The following LHFPL3 variants were observed in gnomAD, a reference collection of about 807,000 sequenced individuals.
The protein encoded by LHFPL3 is LHFPL tetraspan subfamily member 3, also known as LHFPL tetraspan subfamily member 3 protein.
In LHFPL3, 5 loss-of-function variants were observed where a neutral mutation model predicts 19.3. That is an observed-to-expected ratio of 0.26 (90% CI 0.14 to 0.54). The LOEUF is 0.54. Among genes scored for constraint, LHFPL3 ranks in the 20% least tolerant of loss-of-function variants. The pLI is 0.94. For synonymous variants in LHFPL3, 133 were observed against 126.2 expected (o/e 1.05, Z -0.36); for missense variants, 249 against 307.4 (o/e 0.81, Z 1.42).
At chr7:104,586,649 T>G (rs143350363) in intron 1 of LHFPL3, among the ~76,000 whole-genome samples, 13 of 152,284 alleles carry the variant, frequency 8.5e-5, no homozygotes, top group African/African-American at 3.1e-4. Flanking sequence ...AGACGTCTAG[T>G]GGGTGAAAAC....
At chr7:104,356,563 G>A (rs1211662943) in intron 1 of LHFPL3, among the ~76,000 whole-genome samples, 1 of 152,054 alleles carries the variant, frequency 6.6e-6, no homozygotes, top group Non-Finnish European at 1.5e-5. Context: ...GTAGGTGGAG[G>A]TTGGAGAGCA....
At chr7:104,440,568 CAT>C (rs750922781) in intron 1 of LHFPL3, among the ~76,000 whole-genome samples, 5 of 151,426 alleles carry the variant, frequency 3.3e-5, no homozygotes, top group Admixed American at 6.6e-5. Context: ...TATAATAAAA[CAT>C]ATATATATAT....
At chr7:104,833,320 AT>A (rs1791022052) in intron 2 of LHFPL3, among the ~76,000 whole-genome samples, 1 of 12,756 alleles carries the variant, frequency 7.8e-5, no homozygotes, top group Non-Finnish European at 1.2e-4. Flanking sequence ...ATATATATAT[AT>A]TATATATATA....
chr7:104,903,076 G>A (rs971172694), intron 2 of LHFPL3, among the ~76,000 whole-genome samples: 2 of 152,122 alleles, frequency 1.3e-5, no homozygotes, highest in Admixed American at 1.3e-4. Context: ...CGCAGGTATG[G>A]GTGTCACTAC....
intron 1 of LHFPL3, among the ~76,000 whole-genome samples, chr7:104,657,312 C>T (rs1173348459): frequency 3.3e-5 from 5 of 152,226 alleles, no homozygotes; most frequent in Admixed American, 1.3e-4. Flanking sequence ...CTTCCCAAGG[C>T]AGGTTAAGCC....
rs563074211 is a variant in LHFPL3 at position 104,374,877 on chromosome 7, A to G, written c.445+45653A>G. On this transcript the variant is annotated intron_variant, in intron 1 of 2. Transcript: ENST00000424859. ...CAAGGCACATGGCAAGCATGGAATTATTATTTTTGAATGTTTAGTGAAGTA... is the reference window on the plus strand; with the variant it reads ...CAAGGCACATGGCAAGCATGGAATTGTTATTTTTGAATGTTTAGTGAAGTA... Among the ~76,000 whole-genome samples, 23 of 152,308 alleles carry G rather than the reference A, an allele frequency of 1.5e-4. No individual in the cohort carries two copies. In the East Asian group the frequency reaches 4.4e-3, roughly 29 times the overall value.
At chr7:104,618,587 C>G (rs1328172055) in intron 1 of LHFPL3, among the ~76,000 whole-genome samples, 1 of 152,046 alleles carries the variant, frequency 6.6e-6, no homozygotes, top group Non-Finnish European at 1.5e-5. Context: ...TGTTAGCTTT[C>G]CATTTCTTCG....
At chr7:104,619,144 A>G (rs893786062) in intron 1 of LHFPL3, among the ~76,000 whole-genome samples, 5 of 152,208 alleles carry the variant, frequency 3.3e-5, no homozygotes, top group African/African-American at 1.2e-4. Flanking sequence ...TGTTAGATAT[A>G]AATGACTTTA....
chr7:104,446,457 A>G (rs1792331625), intron 1 of LHFPL3, among the ~76,000 whole-genome samples: 1 of 152,178 alleles, frequency 6.6e-6, no homozygotes, highest in South Asian at 2.1e-4. Context: ...AGAATCTAAG[A>G]CACCAGTGTA....
chr7:104,492,607 A>G lies in LHFPL3; in HGVS notation c.445+163383A>G, dbSNP rs374438517. 9.2e-5 allele frequency among the ~76,000 whole-genome samples: 14 copies of G among 152,378 alleles called. No individual in the cohort carries two copies. The East Asian group carries it at 2.3e-3, about 25-fold the overall frequency. ...AGGAACTTCACAAATATTGTACACC[A>G]ATAAGTACTCAAGACATATGTTTGA... On this transcript the variant is annotated intron_variant, in intron 1 of 2. Coordinates refer to ENST00000424859, the MANE Select transcript of LHFPL3 (RefSeq NM_199000.3).
chr7:104,612,480 A>G (rs1004372491), intron 1 of LHFPL3, among the ~76,000 whole-genome samples: 1 of 152,194 alleles, frequency 6.6e-6, no homozygotes, highest in East Asian at 1.9e-4. Context: ...AAATGAGTGG[A>G]CTTAGGAACA....
chr7:104,529,743 T>G (rs141819129), intron 1 of LHFPL3, among the ~76,000 whole-genome samples: 159 of 152,196 alleles, frequency 1.0e-3, no homozygotes, highest in African/African-American at 3.7e-3. Context: ...AGTAGCATGG[T>G]GAGTCAGAAC....
intron 1 of LHFPL3, among the ~76,000 whole-genome samples, chr7:104,427,181 G>A (rs1348186218): frequency 1.3e-5 from 2 of 152,134 alleles, no homozygotes; most frequent in Non-Finnish European, 2.9e-5. Context: ...GGTGCCAGAA[G>A]GGAAGAAAGG....
In LHFPL3 at chr7:104,636,758, A is replaced by G. The variant is rs573083055; in HGVS notation, c.446-99917A>G. Among the ~76,000 whole-genome samples the G allele has an allele frequency of 4.6e-5, 7 of 152,310 alleles. No individual in the cohort carries two copies. In the South Asian group the frequency reaches 1.5e-3, roughly 32 times the overall value. ...GGCTGCATAGTATTCCATGGTGTAT[A>G]TGTAAAACATTTTCTTTAGTCTACC... On this transcript the variant is annotated intron_variant, in intron 1 of 2. Coordinates refer to ENST00000424859, the MANE Select transcript of LHFPL3 (RefSeq NM_199000.3).
chr7:104,848,359 G>C (rs1034659112), intron 2 of LHFPL3, among the ~76,000 whole-genome samples: 1 of 152,164 alleles, frequency 6.6e-6, no homozygotes, highest in Non-Finnish European at 1.5e-5. Context: ...CGGTAGCACT[G>C]TTTGTTTGAA....
intron 1 of LHFPL3, among the ~76,000 whole-genome samples, chr7:104,713,601 G>A (rs550720052): frequency 3.3e-5 from 5 of 152,102 alleles, no homozygotes; most frequent in South Asian, 2.1e-4. Context: ...GACCCCTCCC[G>A]CAACACTGAG....
chr7:104,679,813 T>C (rs1226117071), intron 1 of LHFPL3, among the ~76,000 whole-genome samples: 1 of 152,116 alleles, frequency 6.6e-6, no homozygotes, highest in Non-Finnish European at 1.5e-5. Context: ...CATTGTAAAA[T>C]AAGATATCAA....
chr7:104,384,144 A>G (rs1418173340), intron 1 of LHFPL3, among the ~76,000 whole-genome samples: 2 of 152,180 alleles, frequency 1.3e-5, no homozygotes, highest in African/African-American at 2.4e-5. Context: ...AATAACACCA[A>G]CTACTGGGGG....
intron 1 of LHFPL3, among the ~76,000 whole-genome samples, chr7:104,431,886 G>T (rs191771199): frequency 2.0e-5 from 3 of 152,272 alleles, no homozygotes; most frequent in African/African-American, 7.2e-5. Context: ...TCCTTGGTTT[G>T]TGGTCTGCCA....
Sources: gnomAD v4.1 joint callset for allele counts (sites outside exome capture counted in the v4.1 genomes callset) on GRCh38, gnomAD v4.1.1 for gene constraint, MANE v1.5 for transcripts, NCBI Gene and HGNC (gene_info 2026-07-23, HGNC 2026-07-21) for gene names.